The following MAP3K20 variants were observed in gnomAD, a reference collection of about 807,000 sequenced individuals.
MAP3K20 encodes the protein mitogen-activated protein kinase kinase kinase 20, also known as HCCS-4.
In MAP3K20, 40 loss-of-function variants were observed where a neutral mutation model predicts 85.7. The observed-to-expected ratio is 0.47, with a 90% CI of 0.36 to 0.61. The LOEUF (loss-of-function observed/expected upper bound fraction) is 0.61. MAP3K20 is among the 20% of genes least tolerant of loss of function. MAP3K20 has a pLI of 0.00. For synonymous variants in MAP3K20, 325 were observed against 327.7 expected (o/e 0.99, Z 0.09); for missense variants, 817 against 961.7 (o/e 0.85, Z 1.99).
chr2:173,098,365 T>C (rs879518444), intron 2 of MAP3K20, among the ~76,000 whole-genome samples: 1 of 152,196 alleles, frequency 6.6e-6, no homozygotes, highest in African/African-American at 2.4e-5. Flanking sequence ...TCACAAACTT[T>C]TTGAGTGCTG....
chr2:173,213,611 T>C (rs1683979068), intron 10 of MAP3K20, among the ~76,000 whole-genome samples: 2 of 152,216 alleles, frequency 1.3e-5, no homozygotes, highest in South Asian at 4.1e-4. Flanking sequence ...AGTAACTTGC[T>C]CAAAATCATA....
Position 173,245,893 on chromosome 2 carries a change from T to C in MAP3K20, c.1359+6397T>C, listed in dbSNP as rs1417964927. On this transcript the variant is annotated intron_variant, in intron 16 of 19. Transcript: ENST00000375213. ...TTGCAGTGAGCCAGGATCGCACCAC[T>C]GCACTCCAGCCTGGGCAACAGAGCA... Among the ~76,000 whole-genome samples, 4 of 152,218 alleles carry C rather than the reference T, an allele frequency of 2.6e-5. No individual in the cohort carries two copies. In the East Asian group the frequency reaches 7.7e-4, roughly 29 times the overall value.
intron 2 of MAP3K20, among the ~76,000 whole-genome samples, chr2:173,149,631 G>A (rs2106225155): frequency 6.6e-6 from 1 of 152,244 alleles, no homozygotes; most frequent in Admixed American, 6.5e-5. Context: ...GGTGGTAAAA[G>A]ACCAGGACCT....
rs905733827 is a variant in MAP3K20, at chr2:173,224,343, A to T, written c.988-5346A>T. On this transcript the variant is annotated intron_variant, in intron 11 of 19. Coordinates refer to ENST00000375213, the MANE Select transcript of MAP3K20 (RefSeq NM_016653.3). ...TAAGAATGATCAGCAATACGTTTAG[A>T]ACATATGAACTGAATGAAATGGACA... The T allele has an allele frequency of 6.1e-6, 6 of 985,312 alleles. No individual in the cohort carries two copies. In the Admixed American group the frequency reaches 1.8e-4, roughly 30 times the overall value. The allele number at this position is 985,312 out of a possible 1,614,324, so 61.0% of individuals were successfully genotyped here. A position where few individuals can be genotyped will look rare whatever the true frequency, so the allele number is the denominator to read the frequency against.
At chr2:173,247,778 T>C (rs1479263864) in intron 16 of MAP3K20, among the ~76,000 whole-genome samples, 1 of 152,072 alleles carries the variant, frequency 6.6e-6, no homozygotes, top group African/African-American at 2.4e-5. Context: ...ATGGCATAGG[T>C]TGTGGTGATG....
chr2:173,156,940 C>A (rs1436034733), intron 2 of MAP3K20, among the ~76,000 whole-genome samples: 1 of 152,110 alleles, frequency 6.6e-6, no homozygotes, highest in Non-Finnish European at 1.5e-5. Flanking sequence ...AATCTATGGA[C>A]ACCTGGAATC....
At chr2:173,191,232 CAAAAG>C (rs1345466470) in intron 7 of MAP3K20, 55 bp downstream of exon 7, 49 of 1,600,660 alleles carry the variant, frequency 3.1e-5, no homozygotes, top group Middle Eastern at 1.7e-4. Context: ...AGCAAACACT[CAAAAG>C]AAGAGAGATA....
intron 5 of MAP3K20, among the ~76,000 whole-genome samples, chr2:173,188,624 G>T (rs772314481): frequency 3.3e-5 from 5 of 151,930 alleles, no homozygotes; most frequent in Non-Finnish European, 5.9e-5. Context: ...GTTTAGCAGG[G>T]GGTGAAGGGA....
At chr2:173,138,163 G>A (rs1413726796) in intron 2 of MAP3K20, among the ~76,000 whole-genome samples, 4 of 152,054 alleles carry the variant, frequency 2.6e-5, no homozygotes, top group Non-Finnish European at 5.9e-5. Context: ...TAGAGACGGG[G>A]TTTCATTATG....
At chr2:173,178,719 G>A (rs1296182055) in intron 3 of MAP3K20, among the ~76,000 whole-genome samples, 1 of 152,068 alleles carries the variant, frequency 6.6e-6, no homozygotes, top group Non-Finnish European at 1.5e-5. Context: ...TTTCACTGGT[G>A]AATTCTATAA....
chr2:173,246,744 T>C (rs1049896093), intron 16 of MAP3K20, among the ~76,000 whole-genome samples: 1 of 152,166 alleles, frequency 6.6e-6, no homozygotes, highest in African/African-American at 2.4e-5. Context: ...AAAGGAAACC[T>C]GATTGAAGCT....
intron 16 of MAP3K20, among the ~76,000 whole-genome samples, chr2:173,252,884 C>G (rs977033773): frequency 6.6e-6 from 1 of 152,200 alleles, no homozygotes; most frequent in Non-Finnish European, 1.5e-5. Context: ...AGTGCTGAAT[C>G]AGGATATGTG....
At chr2:173,159,261 C>G (rs1432169504) in intron 2 of MAP3K20, among the ~76,000 whole-genome samples, 2 of 152,194 alleles carry the variant, frequency 1.3e-5, no homozygotes, top group African/African-American at 4.8e-5. Context: ...GACCAAGTTG[C>G]ATAAGTTGTT....
intron 2 of MAP3K20, among the ~76,000 whole-genome samples, chr2:173,099,538 A>T (rs1411416315): frequency 6.6e-6 from 1 of 151,902 alleles, no homozygotes; most frequent in East Asian, 1.9e-4. Context: ...CTCCTGTCCA[A>T]CTGTTCTTCT....
chr2:173,205,281 A>C (rs565120504), intron 9 of MAP3K20, among the ~76,000 whole-genome samples: 1 of 152,216 alleles, frequency 6.6e-6, no homozygotes, highest in African/African-American at 2.4e-5. Flanking sequence ...ACTAAAAAGA[A>C]AGACTAAAGA....
In MAP3K20 at chr2:173,198,835, G is replaced by A. The variant is rs1385056414; in HGVS notation, c.669+723G>A. On this transcript the variant is annotated intron_variant, in intron 8 of 19. Transcript: ENST00000375213. The surrounding 1 kb of genome is among the most constrained non-coding windows in gnomAD (Gnocchi z 5.8). ...GTTGGACCTATGAGCCTACATCAGA[G>A]AACATGGTACATTCATATCAAAGAG... 6.6e-6 allele frequency: 1 copy of A among 152,576 alleles called. No individual in the cohort carries two copies. Among genetic ancestry groups the A allele is most frequent in the African/African-American group, 2.4e-5 (1 of 41,424 alleles). The allele number at this position is 152,576 out of a possible 1,614,324, so 9.5% of individuals were successfully genotyped here.
chr2:173,195,011 T>C (rs867950467), intron 7 of MAP3K20, among the ~76,000 whole-genome samples: 2 of 152,068 alleles, frequency 1.3e-5, no homozygotes, highest in Non-Finnish European at 2.9e-5. Flanking sequence ...TGGTAAACTT[T>C]GCTAGGGAGG....
chr2:173,247,986 T>G (rs535841487), intron 16 of MAP3K20, among the ~76,000 whole-genome samples: 1 of 152,274 alleles, frequency 6.6e-6, no homozygotes, highest in East Asian at 1.9e-4. Flanking sequence ...GTGACATGAA[T>G]AAGCATGAGG....
At chr2:173,104,766 A>G (rs1687737726) in intron 2 of MAP3K20, among the ~76,000 whole-genome samples, 1 of 152,196 alleles carries the variant, frequency 6.6e-6, no homozygotes, top group East Asian at 1.9e-4. Context: ...AAGGGAGATC[A>G]GGAGTGCCAG....
Sources: allele counts gnomAD v4.1 joint callset (sites outside exome capture counted in the v4.1 genomes callset), GRCh38; gene constraint gnomAD v4.1.1; non-coding constraint Gnocchi (gnomAD v3.1); transcripts MANE v1.5; gene names NCBI Gene and HGNC (gene_info 2026-07-23, HGNC 2026-07-21).